The following GIT1 variants were observed in gnomAD, a reference collection of about 807,000 sequenced individuals.
The protein encoded by GIT1 is ARF GTPase-activating protein GIT1.
In GIT1, 14 loss-of-function variants were observed where a neutral mutation model predicts 91.7. That is an observed-to-expected ratio of 0.15 (90% CI 0.10 to 0.24). The LOEUF (loss-of-function observed/expected upper bound fraction) is 0.24. Among genes scored for constraint, GIT1 ranks in the 10% least tolerant of loss-of-function variants. The pLI, the probability that GIT1 is intolerant of heterozygous loss-of-function variation, is 1.00. For missense variants in GIT1, 717 were observed against 1,024.9 expected (o/e 0.70, Z 4.10); for synonymous variants, 414 against 418.2 (o/e 0.99, Z 0.12).
In GIT1 at chr17:29,575,341, G is replaced by A. The variant is rs1409204069; in HGVS notation, c.1956C>T (p.Val652=). The A allele has an allele frequency of 1.9e-6, 3 of 1,613,604 alleles. No homozygotes were observed. In the Admixed American group the frequency reaches 5.0e-5, roughly 27 times the overall value. The change falls in exon 18 of 20, where the codon GTC becomes GTT. Residue 652 remains valine, a synonymous_variant. Coordinates refer to ENST00000225394, the MANE Select transcript of GIT1 (RefSeq NM_014030.4). This position sits in a 1 kb window ranked among gnomAD's most constrained non-coding sequence, Gnocchi z 5.5. ...GCAACAGTTCCTGAATGTTCTTGGT[G>A]ACCTGCTCTGTCTTCAAGATGACAT... The part of the protein sequence containing the change: ...TEDVILKTEQ[V]TKNIQELLRA...
Position 29,589,479 on chromosome 17 carries a change from G to T in GIT1, c.-101C>A. ...GCCCCTGCTGCCCGGCCCGGCTCCG[G>T]CGAGGCCCCGGCGAGGCTCCGCGCG... On this transcript the variant is annotated 5_prime_UTR_variant, in exon 1 of 20. Transcript: ENST00000225394. The surrounding 1 kb of genome is among the most constrained non-coding windows in gnomAD (Gnocchi z 5.2). 1 of 360,760 alleles carries T rather than the reference G, an allele frequency of 2.8e-6. No homozygotes were observed. Among genetic ancestry groups the T allele is most frequent in the Non-Finnish European group, 3.8e-6 (1 of 261,672 alleles). 22.3% of individuals were successfully genotyped at this position (360,760 alleles called of 1,614,324 possible). A position where few individuals can be genotyped will look rare whatever the true frequency, so the allele number is the denominator to read the frequency against.
chr17:29,584,291 A>G (rs548127719), intron 1 of GIT1, among the ~76,000 whole-genome samples: 124 of 152,304 alleles, frequency 8.1e-4, no homozygotes, highest in African/African-American at 2.2e-3. Context: ...TGGCTCAGAG[A>G]GGTTAAAGGG....
intron 7 of GIT1, chr17:29,579,164 T>A (rs2033315065): frequency 1.6e-6 from 1 of 624,042 alleles, no homozygotes; most frequent in South Asian, 1.9e-5. Flanking sequence ...TCCTCTGGCT[T>A]GCTCTTCCTC....
rs1460965676 is a variant in GIT1 at position 29,585,176 on chromosome 17, G to A, written c.53-1560C>T. The stretch of plus-strand genomic sequence containing the variant: ...GGGGAGCCCTAGCATGCACTTCTGG[G>A]CTGGCTTTACCCAAATAGTGAGGCA... On this transcript the variant is annotated intron_variant, in intron 1 of 19. Coordinates refer to ENST00000225394, the MANE Select transcript of GIT1 (RefSeq NM_014030.4). Among the ~76,000 whole-genome samples, 3 of 152,120 alleles carry A rather than the reference G, an allele frequency of 2.0e-5. No individual in the cohort carries two copies. The East Asian group carries it at 5.8e-4, about 30-fold the overall frequency.
chr17:29,583,342 T>C, intron 2 of GIT1, 141 bp downstream of exon 2: 1 of 807,334 alleles, frequency 1.2e-6, no homozygotes, highest in South Asian at 1.7e-5. Context: ...AGGGTCAGGA[T>C]TAGCCTCTGC....
At position 29,582,993 on chromosome 17, in the gene GIT1, C is replaced by T. The variant is rs1277140936; in HGVS notation, c.231G>A (p.Glu77=). 8 of 1,612,154 alleles carry T rather than the reference C, an allele frequency of 5.0e-6. No homozygotes were observed. Among genetic ancestry groups the T allele is most frequent in the Non-Finnish European group, 6.8e-6 (8 of 1,179,854 alleles). ...CTTGTGCGGGGTCCAGCAGGGAGTG[C>T]TCCCAGATGGAGTTGGCCCCGTTGC... ...LASNGANSIW[E]HSLLDPAQVQ... The change falls in exon 3 of 20, where the codon GAG becomes GAA. Residue 77 remains glutamate (E), a synonymous_variant. Transcript: ENST00000225394.
chr17:29,575,264 C>G lies in GIT1; in HGVS notation c.2009+24G>C, dbSNP rs769522976. On this transcript the variant is annotated intron_variant, in intron 18 of 19. Coordinates refer to ENST00000225394, the MANE Select transcript of GIT1 (RefSeq NM_014030.4). The surrounding 1 kb of genome is among the most constrained non-coding windows in gnomAD (Gnocchi z 5.5). ...AGAAGCCAACAGGAACTGCATCCCC[C>G]TCACCTCCCCCTCCACTCAGTACCT... 184 of 1,597,138 alleles carry G rather than the reference C, an allele frequency of 1.2e-4. No individual in the cohort carries two copies. The highest frequency in any genetic ancestry group is 4.4e-4 in the Admixed American group (26 of 59,060).
At position 29,575,997 on chromosome 17, in the gene GIT1, C is replaced by T. The variant is rs1460244960; in HGVS notation, c.1665+81G>A. 6.4e-7 allele frequency: 1 copy of T among 1,557,384 alleles called. No individual in the cohort carries two copies. ...ACCAGGTCAGTCTAATCATCTTAAG[C>T]CCCGAATTCAGCACAGAGCCCAGAA... is the stretch of plus-strand genomic sequence containing the variant. On this transcript the variant is annotated intron_variant, in intron 15 of 19. Transcript: ENST00000225394. The surrounding 1 kb of genome is among the most constrained non-coding windows in gnomAD (Gnocchi z 5.5).
chr17:29,587,156 G>A (rs1053506117), intron 1 of GIT1, among the ~76,000 whole-genome samples: 1 of 152,172 alleles, frequency 6.6e-6, no homozygotes, highest in Admixed American at 6.5e-5. Context: ...GCTGGCACTG[G>A]ATCTGGACTC....
At position 29,575,654 on chromosome 17, in the gene GIT1, G is replaced by A. The variant is rs775716001; in HGVS notation, c.1802C>T (p.Thr601Met). The change falls in exon 17 of 20, where the codon ACG becomes ATG. Residue 601 changes from threonine (T) to methionine (M), a missense_variant. Physicochemically the swap from Thr to Met is moderately conservative, Grantham distance 81 (BLOSUM62 -1). Transcript: ENST00000225394. The surrounding 1 kb of genome is among the most constrained non-coding windows in gnomAD (Gnocchi z 5.5). The part of the protein sequence containing the change: ...GSGADSDYEN[T>M]QSGDPLLGLE... ...CCCCAGCAGTGGGTCCCCACTTTGC[G>A]TGTTCTCATAGTCACTGTCGGCTCC... The A allele has an allele frequency of 1.2e-5, 20 of 1,612,334 alleles. No individual in the cohort carries two copies. Among genetic ancestry groups the A allele is most frequent in the Admixed American group, 8.3e-5 (5 of 60,020 alleles).
At chr17:29,583,678 T>C in intron 1 of GIT1, 62 bp from the exon 2 acceptor site, 2 of 1,514,864 alleles carry the variant, frequency 1.3e-6, no homozygotes, top group South Asian at 2.5e-5. Flanking sequence ...CCTGAGCACC[T>C]GCTCTGGCCC....
At chr17:29,574,977 A>T in intron 19 of GIT1, 63 bp from the exon 20 acceptor site, 1 of 1,493,848 alleles carries the variant, frequency 6.7e-7, no homozygotes, top group Non-Finnish European at 9.1e-7. Context: ...ATCAGGGCCC[A>T]GTTTGTCTGT....
At position 29,581,152 on chromosome 17, in the gene GIT1, T is replaced by C. The variant is rs2033381088; in HGVS notation, c.761+186A>G. The C allele has an allele frequency of 3.2e-6, 2 of 619,582 alleles. No individual in the cohort carries two copies. The highest frequency in any genetic ancestry group is 2.7e-5 in the East Asian group (1 of 36,390). 38.4% of individuals were successfully genotyped at this position (619,582 alleles called of 1,614,324 possible). A position where few individuals can be genotyped will look rare whatever the true frequency, so the allele number is the denominator to read the frequency against. ...GGGCTCAGGCTATGCGGGCCACATA[T>C]GGAGCTGACATTTTTTACCTGCCTT... On this transcript the variant is annotated intron_variant, in intron 7 of 19. Transcript: ENST00000225394. This position sits in a 1 kb window ranked among gnomAD's most constrained non-coding sequence, Gnocchi z 4.8.
At chr17:29,582,645 G>A (rs541161216) in intron 4 of GIT1, 53 bp downstream of exon 4, 57 of 1,235,424 alleles carry the variant, frequency 4.6e-5, no homozygotes, top group East Asian at 1.4e-4. Flanking sequence ...TCAGAGAGTC[G>A]TGGATGGGAA....
rs749042663 is a variant in GIT1, at chr17:29,581,736, G to C, written c.718+6C>G. The C allele has an allele frequency of 6.2e-7, 1 of 1,606,916 alleles. No individual in the cohort carries two copies. Among genetic ancestry groups the C allele is most frequent in the Non-Finnish European group, 8.5e-7 (1 of 1,178,186 alleles). ...CACAGCCAGGCGCCCCCCAAGCTCTGCTCACCCGGCTTGCGTCCACAGAGG... is the reference window on the plus strand; with the variant it reads ...CACAGCCAGGCGCCCCCCAAGCTCTCCTCACCCGGCTTGCGTCCACAGAGG... On this transcript the variant is annotated splice_donor_region_variant and intron_variant, in intron 6 of 19. Transcript: ENST00000225394. The surrounding 1 kb of genome is among the most constrained non-coding windows in gnomAD (Gnocchi z 4.8).
In GIT1 at chr17:29,576,321, G is replaced by A. The variant is rs2033197593; in HGVS notation, c.1510C>T (p.Arg504Cys). Residue 504 changes from arginine (R) to cysteine (C), a missense_variant, in exon 14 of 20, where the codon CGC becomes TGC. Transcript: ENST00000225394. ...APGGSTHRRD[R>C]QAFSMYEPGS... ...GGTTCATACATGGAAAAGGCCTGGC[G>A]ATCCCTGCGGTGTGTGCTCCCGCCT... 6.2e-7 allele frequency: 1 copy of A among 1,613,100 alleles called. No homozygotes were observed. Among genetic ancestry groups the A allele is most frequent in the Non-Finnish European group, 8.5e-7 (1 of 1,179,914 alleles).
At chr17:29,578,601 G>T in intron 8 of GIT1, 130 bp downstream of exon 8, 1 of 911,998 alleles carries the variant, frequency 1.1e-6, no homozygotes, top group South Asian at 1.3e-5. Context: ...GGACTGCTGA[G>T]GCCAGTGAGG....
At chr17:29,582,496 TTG>T (rs966691229) in intron 4 of GIT1, among the ~76,000 whole-genome samples, 200 bp downstream of exon 4, 11 of 152,246 alleles carry the variant, frequency 7.2e-5, no homozygotes, top group Admixed American at 6.5e-5. Flanking sequence ...GCTTCTAGCC[TTG>T]TGTGTCTACT....
At position 29,574,821 on chromosome 17, in the gene GIT1, C is replaced by T; in HGVS notation, c.2167G>A (p.Glu723Lys). ...TGGAAGTCCACTGGGGCGCCGGGCT[C>T]TGGGGGCACTGTCTTCCGGCACTCA... ...QSECRKTVPP[E>K]PGAPVDFQLL... Residue 723 changes from glutamate to lysine, a missense_variant, in exon 20 of 20, where the codon GAG (glutamate) becomes AAG (lysine). Coordinates refer to ENST00000225394, the MANE Select transcript of GIT1 (RefSeq NM_014030.4). The T allele has an allele frequency of 1.2e-6, 2 of 1,610,502 alleles. No individual in the cohort carries two copies. The highest frequency in any genetic ancestry group is 1.7e-6 in the Non-Finnish European group (2 of 1,179,582).
Sources: gnomAD v4.1 joint callset for allele counts (sites outside exome capture counted in the v4.1 genomes callset) on GRCh38, gnomAD v4.1.1 for gene constraint, Gnocchi (gnomAD v3.1) non-coding constraint, MANE v1.5 for transcripts, NCBI Gene and HGNC (gene_info 2026-07-23, HGNC 2026-07-21) for gene names.